Variants in XYLT1 observed in about 807,000 individuals in gnomAD.
XYLT1 encodes beta-D-xylosyltransferase 1.
Under a neutral mutation model 91.3 loss-of-function variants are expected in XYLT1, and 36 were observed. The ratio of observed to expected loss-of-function variants is 0.39; its 90% CI spans 0.30 to 0.52. The LOEUF is 0.52. Among genes scored for constraint, XYLT1 ranks in the 20% least tolerant of loss-of-function variants. The pLI is 0.68. For synonymous variants in XYLT1, 588 were observed against 532.0 expected, an observed-to-expected ratio of 1.11 and a Z score of -1.45; for missense variants, 1,242 against 1,284.5, an observed-to-expected ratio of 0.97 and a Z score of 0.51.
At chr16:17,159,036 T>C (rs2031485749) in intron 5 of XYLT1, 127 bp from the exon 6 acceptor site, 2 of 754,292 alleles carry the variant, frequency 2.7e-6, no homozygotes, top group Non-Finnish European at 4.6e-6. Flanking sequence ...GCACACAGGC[T>C]GATAAGGCAT....
chr16:17,132,021 A>G (rs9806916), intron 9 of XYLT1, among the ~76,000 whole-genome samples: 144,932 of 152,166 alleles, frequency 0.95, 69,079 homozygotes, highest in Middle Eastern at 0.98. Context: ...TCCAAAATGA[A>G]TACTAGGGAG....
intron 11 of XYLT1, among the ~76,000 whole-genome samples, chr16:17,115,547 C>T (rs921673868): frequency 5.3e-5 from 8 of 150,316 alleles, no homozygotes; most frequent in African/African-American, 2.0e-4. Flanking sequence ...GGCATGATTT[C>T]GGTTCACTGC....
intron 1 of XYLT1, among the ~76,000 whole-genome samples, chr16:17,359,056 G>C (rs1176283077): frequency 2.0e-5 from 3 of 152,168 alleles, no homozygotes; most frequent in African/African-American, 7.2e-5. Flanking sequence ...AGACTGATGG[G>C]AGGAGTTGGT....
chr16:17,149,269 G>T (rs1481389076), intron 6 of XYLT1, among the ~76,000 whole-genome samples: 1 of 152,106 alleles, frequency 6.6e-6, no homozygotes, highest in African/African-American at 2.4e-5. Context: ...AATTATTCCA[G>T]AATTAAGCTG....
intron 5 of XYLT1, among the ~76,000 whole-genome samples, chr16:17,162,735 C>A (rs1162291498): frequency 5.3e-5 from 8 of 152,238 alleles, no homozygotes; most frequent in Admixed American, 1.3e-4. Flanking sequence ...AGCAACAGAG[C>A]TCACCCAATA....
intron 2 of XYLT1, among the ~76,000 whole-genome samples, chr16:17,325,350 A>C (rs559451403): frequency 6.6e-6 from 1 of 152,308 alleles, no homozygotes; most frequent in African/African-American, 2.4e-5. Flanking sequence ...GCAGTGAGCC[A>C]AGATGGTGCC....
intron 1 of XYLT1, among the ~76,000 whole-genome samples, chr16:17,469,475 C>G (rs1473804553): frequency 1.3e-5 from 2 of 152,222 alleles, no homozygotes; most frequent in African/African-American, 4.8e-5. Context: ...CTGCTCCTAG[C>G]TCAGTAGGCT....
chr16:17,394,421 A>C (rs2035859104), intron 1 of XYLT1, among the ~76,000 whole-genome samples: 1 of 152,188 alleles, frequency 6.6e-6, no homozygotes, highest in Non-Finnish European at 1.5e-5. Context: ...CAACCCTGCC[A>C]GCTTTTTCAT....
In XYLT1 at chr16:17,338,555, C is replaced by T. The variant is rs764294733; in HGVS notation, c.402+19457G>A. 2.0e-5 allele frequency: 9 copies of T among 455,086 alleles called. 1 individual carries two copies. Among genetic ancestry groups the T allele is most frequent in the Middle Eastern group, 3.3e-4 (1 of 3,060 alleles). The allele number at this position is 455,086 out of a possible 1,614,324, so 28.2% of individuals were successfully genotyped here. A position where few individuals can be genotyped will look rare whatever the true frequency, so the allele number is the denominator to read the frequency against. ...ATTTTCTGACAAGGCTCAATATTTT[C>T]ATCTCTGTTCTCTGTCGGGAATGGT... On this transcript the variant is annotated intron_variant, in intron 2 of 11. Coordinates refer to ENST00000261381, the MANE Select transcript of XYLT1 (RefSeq NM_022166.4).
chr16:17,176,834 CTTT>C (rs67345327), intron 5 of XYLT1, among the ~76,000 whole-genome samples: 40,940 of 147,366 alleles, frequency 0.28, 6,132 homozygotes, highest in South Asian at 0.46. Context: ...CAGTCCTCTA[CTTT>C]TTTTTTTTTT....
At chr16:17,295,697 G>A (rs1215874848) in intron 2 of XYLT1, among the ~76,000 whole-genome samples, 1 of 152,150 alleles carries the variant, frequency 6.6e-6, no homozygotes, top group Admixed American at 6.5e-5. Context: ...GACCCACAGG[G>A]GACATCTTGC....
intron 2 of XYLT1, among the ~76,000 whole-genome samples, chr16:17,295,856 A>G (rs2034301840): frequency 1.3e-5 from 2 of 152,176 alleles, no homozygotes; most frequent in Admixed American, 1.3e-4. Context: ...CATGTCAACA[A>G]GTTCAAATCT....
At chr16:17,266,531 A>G (rs2033807365) in intron 2 of XYLT1, among the ~76,000 whole-genome samples, 1 of 152,220 alleles carries the variant, frequency 6.6e-6, no homozygotes, top group Non-Finnish European at 1.5e-5. Flanking sequence ...CAGAGGAGCC[A>G]GGATTTGAAC....
At chr16:17,436,811 T>TA (rs2141937655) in intron 1 of XYLT1, among the ~76,000 whole-genome samples, 1 of 152,340 alleles carries the variant, frequency 6.6e-6, no homozygotes, top group Non-Finnish European at 1.5e-5. Context: ...GCATTTCTGT[T>TA]ACGCTGACAA....
chr16:17,379,759 TCTCTCA>T (rs1331166502), intron 1 of XYLT1, among the ~76,000 whole-genome samples: 25 of 117,974 alleles, frequency 2.1e-4, no homozygotes, highest in East Asian at 4.1e-4. Flanking sequence ...TCTCTCTCTC[TCTCTCA>T]CACACACACA....
intron 3 of XYLT1, among the ~76,000 whole-genome samples, chr16:17,232,430 TATATATATATATATATATAC>T (rs1439846729): frequency 1.7e-5 from 1 of 59,554 alleles, no homozygotes; most frequent in Non-Finnish European, 4.0e-5. Context: ...TGTGTGTGTG[TATATATATATATATATATAC>T]ATATATATAT....
chr16:17,297,692 C>T (rs1411611423), intron 2 of XYLT1, among the ~76,000 whole-genome samples: 1 of 152,076 alleles, frequency 6.6e-6, no homozygotes, highest in Non-Finnish European at 1.5e-5. Flanking sequence ...CACTGTGCTC[C>T]AACCTAGGCC....
Position 17,122,857 on chromosome 16 carries a change from T to G in XYLT1, c.2223+4809A>C, listed in dbSNP as rs140637801. ...TGAATAGGGTGTTCTTTTCCCACTT[T>G]GTTTTTGTGTGCCGTGTTGAAGATC... On this transcript the variant is annotated intron_variant, in intron 10 of 11. Transcript: ENST00000261381. Among the ~76,000 whole-genome samples the G allele has an allele frequency of 7.5e-3, 1,146 of 152,330 alleles. 16 individuals are homozygous for G. Among genetic ancestry groups the G allele is most frequent in the African/African-American group, 0.026 (1,090 of 41,592 alleles).
At chr16:17,258,574 T>G (rs1199235889) in intron 3 of XYLT1, among the ~76,000 whole-genome samples, 1 of 152,142 alleles carries the variant, frequency 6.6e-6, no homozygotes, top group Admixed American at 6.5e-5. Flanking sequence ...ACAGAGCCTC[T>G]GAAGTTAATG....
Sources: gnomAD v4.1 joint callset for allele counts (sites outside exome capture counted in the v4.1 genomes callset) on GRCh38, gnomAD v4.1.1 for gene constraint, MANE v1.5 for transcripts, NCBI Gene and HGNC (gene_info 2026-07-23, HGNC 2026-07-21) for gene names.